The following ATG4C variants were observed in gnomAD, a reference collection of about 807,000 sequenced individuals.
ATG4C encodes cysteine protease ATG4C.
Under a neutral mutation model 57.6 loss-of-function variants are expected in ATG4C, and 56 were observed. That is an observed-to-expected ratio of 0.97 (90% CI 0.78 to 1.21). ATG4C has a LOEUF of 1.21. Ranked by LOEUF, ATG4C falls within the 50% of genes most tolerant of loss-of-function variation. ATG4C has a pLI of 0.00. For synonymous variants in ATG4C, 157 were observed against 174.1 expected, an observed-to-expected ratio of 0.90 and a Z score of 0.78; for missense variants, 595 against 529.8, an observed-to-expected ratio of 1.12 and a Z score of -1.21.
At chr1:62,827,361 C>G (rs1353497260) in intron 6 of ATG4C, among the ~76,000 whole-genome samples, 1 of 152,098 alleles carries the variant, frequency 6.6e-6, no homozygotes, top group Non-Finnish European at 1.5e-5. Context: ...ATGCTTTTCC[C>G]CTAGGTATCT....
At chr1:62,789,822 AAAAG>A (rs1362041596) in intron 1 of ATG4C, among the ~76,000 whole-genome samples, 2 of 152,178 alleles carry the variant, frequency 1.3e-5, no homozygotes, top group African/African-American at 4.8e-5. Context: ...GTCTCAAAAA[AAAAG>A]AAATAAAAGA....
At chr1:62,815,181 C>CT (rs75132426) in intron 3 of ATG4C, among the ~76,000 whole-genome samples, 4,923 of 149,900 alleles carry the variant, frequency 0.033, 264 homozygotes, top group African/African-American at 0.11. Flanking sequence ...TTTGTTAAAT[C>CT]TTTTTTTTTT....
chr1:62,785,187 C>T (rs1228273160), intron 1 of ATG4C: 2 of 152,206 alleles, frequency 1.3e-5, no homozygotes, highest in Non-Finnish European at 2.9e-5. Flanking sequence ...GAATGATCTT[C>T]TTGCTTGCTT....
intron 3 of ATG4C, among the ~76,000 whole-genome samples, chr1:62,810,945 A>G (rs745427680): frequency 2.2e-4 from 34 of 152,256 alleles, no homozygotes; most frequent in African/African-American, 7.9e-4. Flanking sequence ...ATTTTCTATC[A>G]TAGAGAAATT....
intron 3 of ATG4C, among the ~76,000 whole-genome samples, chr1:62,811,310 C>G (rs1665076771): frequency 6.6e-6 from 1 of 152,182 alleles, no homozygotes; most frequent in South Asian, 2.1e-4. Context: ...AATGCTGAAT[C>G]TGTCCTGATT....
At chr1:62,831,265 G>A (rs1665829542) in intron 7 of ATG4C, among the ~76,000 whole-genome samples, 1 of 152,094 alleles carries the variant, frequency 6.6e-6, no homozygotes, top group Non-Finnish European at 1.5e-5. Flanking sequence ...CCCAATGAGA[G>A]CATGTAAAGA....
chr1:62,806,200 A>G (rs1464311201), intron 3 of ATG4C, among the ~76,000 whole-genome samples: 1 of 152,190 alleles, frequency 6.6e-6, no homozygotes, highest in African/African-American at 2.4e-5. Flanking sequence ...GAAGGAATGC[A>G]TTTTAGGTAA....
intron 6 of ATG4C, among the ~76,000 whole-genome samples, chr1:62,827,729 G>GCTATCTAA (rs1557978738): frequency 6.6e-6 from 1 of 152,088 alleles, no homozygotes; most frequent in African/African-American, 2.4e-5. Context: ...TGTCACGGGG[G>GCTATCTAA]TTTGTTGTAC....
intron 10 of ATG4C, among the ~76,000 whole-genome samples, chr1:62,845,785 T>A (rs1426902500): frequency 6.6e-6 from 1 of 152,164 alleles, no homozygotes; most frequent in Non-Finnish European, 1.5e-5. Context: ...CACTTCAACC[T>A]CCACCTCCCG....
intron 1 of ATG4C, among the ~76,000 whole-genome samples, chr1:62,787,486 G>A (rs545132112): frequency 6.6e-6 from 1 of 152,020 alleles, no homozygotes; most frequent in East Asian, 1.9e-4. Context: ...CATGCATTAG[G>A]GAAAAATACA....
At chr1:62,798,586 C>T (rs925357403) in intron 1 of ATG4C, among the ~76,000 whole-genome samples, 7 of 151,910 alleles carry the variant, frequency 4.6e-5, no homozygotes, top group African/African-American at 1.7e-4. Context: ...AAGGGATCAT[C>T]TTTCAAAATA....
chr1:62,805,387 A>G, intron 3 of ATG4C, 132 bp downstream of exon 3: 2 of 1,230,120 alleles, frequency 1.6e-6, no homozygotes, highest in East Asian at 3.3e-5. Context: ...ATAGCTCATA[A>G]TATATTACTA....
chr1:62,841,429 C>T lies in ATG4C; in HGVS notation c.1091C>T (p.Thr364Ile). 1.2e-6 allele frequency: 2 copies of T among 1,601,338 alleles called. No homozygotes were observed. Among genetic ancestry groups the T allele is most frequent in the Non-Finnish European group, 1.7e-6 (2 of 1,173,878 alleles). ...CCTAAAGAACTTTAAAAATTACAGA[C>T]ATTCCACTGCCCTTCTCCCAAAAAG... Reference protein sequence around the residue: ...DVSIKDFPLETFHCPSPKKMS... With the variant: ...DVSIKDFPLEIFHCPSPKKMS... The change falls in exon 10 of 11, where the codon ACA becomes ATA. Residue 364 changes from threonine to isoleucine, a missense_variant and splice_region_variant. Physicochemically the swap from Thr to Ile is moderately conservative, Grantham distance 89. Coordinates refer to ENST00000317868, the MANE Select transcript of ATG4C (RefSeq NM_032852.4).
intron 5 of ATG4C, among the ~76,000 whole-genome samples, chr1:62,819,951 G>C (rs747268103): frequency 6.6e-6 from 1 of 151,780 alleles, no homozygotes; most frequent in African/African-American, 2.4e-5. Flanking sequence ...ATTTGTGTGT[G>C]TATCCCATTT....
At chr1:62,854,302 A>G (rs1666609485) in intron 10 of ATG4C, among the ~76,000 whole-genome samples, 1 of 144,348 alleles carries the variant, frequency 6.9e-6, no homozygotes, top group African/African-American at 2.6e-5. Flanking sequence ...TTTTTCAGAC[A>G]GAGTCTTGCT....
At chr1:62,846,730 T>C (rs1393593330) in intron 10 of ATG4C, among the ~76,000 whole-genome samples, 1 of 152,162 alleles carries the variant, frequency 6.6e-6, no homozygotes, top group Non-Finnish European at 1.5e-5. Flanking sequence ...ATATCTAGAA[T>C]CAGACCACTT....
chr1:62,854,727 T>A (rs1666630093), intron 10 of ATG4C, among the ~76,000 whole-genome samples: 1 of 152,204 alleles, frequency 6.6e-6, no homozygotes, highest in Admixed American at 6.5e-5. Context: ...TTAACTTTCA[T>A]ACTAGGATGA....
rs897877977 is a variant in ATG4C at position 62,863,621 on chromosome 1, T to G, written c.1210-371T>G. Among the ~76,000 whole-genome samples the G allele has an allele frequency of 9.9e-5, 15 of 152,190 alleles. No individual in the cohort carries two copies. In the East Asian group the frequency reaches 2.9e-3, roughly 29 times the overall value. ...CCAAACAGTCTTCTACAATATTTTA[T>G]CATAGTCAGTGATACCATTTTGTTT... is the stretch of plus-strand genomic sequence containing the variant. On this transcript the variant is annotated intron_variant, in intron 10 of 10. Coordinates refer to ENST00000317868, the MANE Select transcript of ATG4C (RefSeq NM_032852.4).
intron 1 of ATG4C, among the ~76,000 whole-genome samples, chr1:62,787,082 A>G (rs1664114596): frequency 6.6e-6 from 1 of 152,180 alleles, no homozygotes; most frequent in South Asian, 2.1e-4. Flanking sequence ...CCCTTCACCG[A>G]GGTAGAGAAC....
Sources: allele counts gnomAD v4.1 joint callset (sites outside exome capture counted in the v4.1 genomes callset), GRCh38; gene constraint gnomAD v4.1.1; transcripts MANE v1.5; gene names NCBI Gene and HGNC (gene_info 2026-07-23, HGNC 2026-07-21).